CUBN: variants seen among roughly 807,000 people sequenced by gnomAD.
CUBN encodes the protein 460 kDa receptor.
Under a neutral mutation model 405.3 loss-of-function variants are expected in CUBN, and 282 were observed. The ratio of observed to expected loss-of-function variants is 0.70; its 90% confidence interval spans 0.63 to 0.77. The LOEUF (loss-of-function observed/expected upper bound fraction) is 0.77, where lower values mean the gene tolerates loss of function less well. Ranked by LOEUF, CUBN falls within the 30% of genes least tolerant of loss-of-function variation. The pLI, the probability that CUBN is intolerant of heterozygous loss-of-function variation, is 0.00. For synonymous variants in CUBN, 1,684 were observed against 1,617.0 expected (o/e 1.04, Z -0.99); for missense variants, 4,514 against 4,475.2 (o/e 1.01, Z -0.25).
intron 22 of CUBN, among the ~76,000 whole-genome samples, chr10:17,064,115 C>T (rs1026412127): frequency 6.6e-6 from 1 of 152,186 alleles, no homozygotes; most frequent in African/African-American, 2.4e-5. Context: ...ATTGTAACTG[C>T]CAGGGATTCC....
At chr10:17,085,035 T>A (rs1300774613) in intron 16 of CUBN, among the ~76,000 whole-genome samples, 1 of 152,176 alleles carries the variant, frequency 6.6e-6, no homozygotes, top group Admixed American at 6.5e-5. Flanking sequence ...AAGGGCACAA[T>A]AATAGATGTC....
At chr10:17,026,887 G>A (rs17139633) in intron 27 of CUBN, among the ~76,000 whole-genome samples, 5,688 of 152,234 alleles carry the variant, frequency 0.037, 375 homozygotes, top group African/African-American at 0.13. Context: ...AGAAAAAGCC[G>A]CCTTGCCATG....
chr10:16,899,020 T>C lies in CUBN; in HGVS notation c.8574A>G (p.Gly2858=). ...DNNFLIPSGD[G]QCQNSFVKVW... ...CCTTCACGAAGCTATTCTGACATTG[T>C]CCATCACCGCTGGGGATTAGGAAGT... The change falls in exon 54 of 67, where the codon GGA becomes GGG. Residue 2858 remains glycine (G), a synonymous_variant. Transcript: ENST00000377833. The C allele has an allele frequency of 6.2e-7, 1 of 1,613,170 alleles. No individual in the cohort carries two copies. Among genetic ancestry groups the C allele is most frequent in the Non-Finnish European group, 8.5e-7 (1 of 1,179,092 alleles).
intron 43 of CUBN, among the ~76,000 whole-genome samples, chr10:16,922,032 G>A (rs750979579): frequency 3.3e-5 from 5 of 152,000 alleles, no homozygotes; most frequent in Non-Finnish European, 7.4e-5. Context: ...CACTCTTACT[G>A]CCTTATTTTT....
intron 39 of CUBN, among the ~76,000 whole-genome samples, chr10:16,936,910 T>A (rs902751452): frequency 1.3e-5 from 2 of 151,932 alleles, no homozygotes; most frequent in African/African-American, 4.8e-5. Context: ...AGAGATGGGG[T>A]TTTGCCATGT....
chr10:17,021,675 T>C (rs1588589035), intron 27 of CUBN, among the ~76,000 whole-genome samples: 1 of 152,270 alleles, frequency 6.6e-6, no homozygotes, highest in Non-Finnish European at 1.5e-5. Context: ...TGAAATATTG[T>C]TTGAAACATA....
At chr10:17,001,387 G>T (rs948563032) in intron 28 of CUBN, among the ~76,000 whole-genome samples, 1 of 152,180 alleles carries the variant, frequency 6.6e-6, no homozygotes, top group African/African-American at 2.4e-5. Context: ...CAGAGCGCTG[G>T]TTGGTCCACT....
At chr10:17,109,180 A>G (rs547221427) in intron 10 of CUBN, among the ~76,000 whole-genome samples, 2 of 152,216 alleles carry the variant, frequency 1.3e-5, no homozygotes, top group Non-Finnish European at 2.9e-5. Flanking sequence ...GCAGCATTGC[A>G]AACACTGTTG....
intron 14 of CUBN, among the ~76,000 whole-genome samples, chr10:17,094,503 A>G (rs1157528562): frequency 8.5e-5 from 13 of 152,064 alleles, no homozygotes; most frequent in African/African-American, 2.7e-4. Context: ...AGAATACCCT[A>G]AAGACTCCAC....
At chr10:17,017,242 G>T (rs1834351077) in intron 28 of CUBN, among the ~76,000 whole-genome samples, 1 of 152,170 alleles carries the variant, frequency 6.6e-6, no homozygotes, top group African/African-American at 2.4e-5. Flanking sequence ...CAACGCAGCA[G>T]CAGAAACACT....
At chr10:16,937,556 A>T in intron 39 of CUBN, 36 bp downstream of exon 39, 1 of 1,572,456 alleles carries the variant, frequency 6.4e-7, no homozygotes, top group Non-Finnish European at 8.7e-7. Context: ...TGCACATATC[A>T]GTCCTAAAAA....
At chr10:16,832,811 A>G (rs1378616188) in intron 64 of CUBN, among the ~76,000 whole-genome samples, 1 of 152,266 alleles carries the variant, frequency 6.6e-6, no homozygotes, top group East Asian at 1.9e-4. Context: ...GCTTGGTAGT[A>G]ACACAGTCAG....
intron 5 of CUBN, among the ~76,000 whole-genome samples, 177 bp from the exon 6 acceptor site, chr10:17,123,075 C>T (rs1564524262): frequency 6.6e-6 from 1 of 152,152 alleles, no homozygotes; most frequent in Non-Finnish European, 1.5e-5. Flanking sequence ...TCAGATTTCA[C>T]CTAATAGAAC....
intron 63 of CUBN, 111 bp downstream of exon 63, chr10:16,836,124 C>T (rs1365181531): frequency 1.3e-5 from 14 of 1,116,856 alleles, no homozygotes; most frequent in Non-Finnish European, 1.7e-5. Flanking sequence ...TTTTTGTTAA[C>T]AAATCCTAAT....
Position 16,898,984 on chromosome 10 carries a change from A to G in CUBN, c.8598+12T>C. On this transcript the variant is annotated intron_variant, in intron 54 of 66. Transcript: ENST00000377833. ...CCAACTTGGCTCCAATTAAATGAAC[A>G]AGTGTACTAACCTTCACGAAGCTAT... 2 of 1,584,640 alleles carry G rather than the reference A, an allele frequency of 1.3e-6. No homozygotes were observed. The highest frequency in any genetic ancestry group is 1.7e-4 in the Middle Eastern group (1 of 6,018).
At chr10:16,886,652 G>A (rs1840823527) in intron 56 of CUBN, among the ~76,000 whole-genome samples, 1 of 152,154 alleles carries the variant, frequency 6.6e-6, no homozygotes, top group South Asian at 2.1e-4. Flanking sequence ...TCCCTAGAGT[G>A]GGAGAATGAA....
chr10:17,067,919 GAGT>G, intron 21 of CUBN, 142 bp downstream of exon 21: 1 of 691,478 alleles, frequency 1.4e-6, no homozygotes, highest in Non-Finnish European at 2.6e-6. Context: ...CACAACTACA[GAGT>G]AGTTATGTAG....
intron 43 of CUBN, among the ~76,000 whole-genome samples, chr10:16,924,174 G>A (rs1167262500): frequency 6.6e-6 from 1 of 152,200 alleles, no homozygotes; most frequent in Non-Finnish European, 1.5e-5. Context: ...TCAGGACACT[G>A]CTACTCTTGA....
intron 42 of CUBN, 68 bp downstream of exon 42, chr10:16,925,516 A>G: frequency 6.2e-7 from 1 of 1,610,956 alleles, no homozygotes; most frequent in East Asian, 2.2e-5. Context: ...GGAGAGAAAA[A>G]TTATCATTTT....
Sources: gnomAD v4.1 joint callset for allele counts (sites outside exome capture counted in the v4.1 genomes callset) on GRCh38, gnomAD v4.1.1 for gene constraint, MANE v1.5 for transcripts, NCBI Gene and HGNC (gene_info 2026-07-23, HGNC 2026-07-21) for gene names.